Variants in NRXN1 observed in about 807,000 individuals in gnomAD.
NRXN1 encodes neurexin-1.
A neutral mutation model predicts 150.9 loss-of-function variants in NRXN1; 39 were observed. The ratio of observed to expected loss-of-function variants is 0.26; its 90% confidence interval spans 0.20 to 0.34. NRXN1 has a LOEUF of 0.34. Ranked by LOEUF, NRXN1 falls within the 10% of genes least tolerant of loss-of-function variation. The pLI is 1.00. For missense variants in NRXN1, 1,815 were observed against 1,949.9 expected (o/e 0.93, Z 1.30); for synonymous variants, 924 against 757.0 (o/e 1.22, Z -3.62).
At chr2:50,050,811 T>C (rs1452773) in intron 21 of NRXN1, among the ~76,000 whole-genome samples, 3 of 151,884 alleles carry the variant, frequency 2.0e-5, no homozygotes, top group Non-Finnish European at 4.4e-5. Flanking sequence ...CATACATGTG[T>C]TGTTATCTGT....
chr2:49,944,696 T>C (rs1272421497), intron 21 of NRXN1, among the ~76,000 whole-genome samples: 1 of 152,188 alleles, frequency 6.6e-6, no homozygotes, highest in Non-Finnish European at 1.5e-5. Context: ...AAGGCTTCCA[T>C]CAGAGTTGGC....
At chr2:49,939,369 G>T (rs921380057) in intron 22 of NRXN1, among the ~76,000 whole-genome samples, 1 of 152,204 alleles carries the variant, frequency 6.6e-6, no homozygotes, top group Non-Finnish European at 1.5e-5. Context: ...GTTACCAATA[G>T]CTGGTTCAGG....
intron 19 of NRXN1, among the ~76,000 whole-genome samples, chr2:50,087,867 A>T (rs1483274056): frequency 6.6e-6 from 1 of 152,168 alleles, no homozygotes; most frequent in Non-Finnish European, 1.5e-5. Flanking sequence ...GCTTTTCATT[A>T]AAGGTATAGT....
chr2:50,499,517 A>T (rs184656852), intron 13 of NRXN1, among the ~76,000 whole-genome samples: 305 of 152,246 alleles, frequency 2.0e-3, no homozygotes, highest in Middle Eastern at 0.01. Context: ...TTCTTGTTCA[A>T]TGACCTCAAT....
intron 18 of NRXN1, among the ~76,000 whole-genome samples, chr2:50,232,383 TTTTC>T (rs202031647): frequency 0.066 from 7,380 of 111,138 alleles, 249 homozygotes; most frequent in Middle Eastern, 0.13. Context: ...CTTTCTTTTC[TTTTC>T]TTTTTTTTTT....
chr2:50,987,351 T>C (rs941069259), intron 2 of NRXN1, among the ~76,000 whole-genome samples: 1 of 151,942 alleles, frequency 6.6e-6, no homozygotes, highest in African/African-American at 2.4e-5. Flanking sequence ...CCTCATTTTC[T>C]TCTTCTAGAT....
chr2:50,038,248 C>A (rs1486863921), intron 21 of NRXN1, among the ~76,000 whole-genome samples: 1 of 152,174 alleles, frequency 6.6e-6, no homozygotes, highest in Non-Finnish European at 1.5e-5. Context: ...CAGTATCTGG[C>A]ATTCCTGCCC....
At chr2:50,292,455 A>T (rs543971626) in intron 17 of NRXN1, among the ~76,000 whole-genome samples, 6 of 152,304 alleles carry the variant, frequency 3.9e-5, no homozygotes, top group African/African-American at 1.4e-4. Flanking sequence ...TCTGAAATGC[A>T]TTACTATCAA....
intron 17 of NRXN1, among the ~76,000 whole-genome samples, chr2:50,440,663 T>C (rs933639148): frequency 1.3e-5 from 2 of 152,138 alleles, no homozygotes; most frequent in African/African-American, 2.4e-5. Flanking sequence ...CCTCAGTTTT[T>C]TTGTTGCATT....
intron 17 of NRXN1, among the ~76,000 whole-genome samples, chr2:50,399,324 T>A (rs2082245529): frequency 1.3e-5 from 2 of 152,136 alleles, no homozygotes; most frequent in Admixed American, 1.3e-4. Flanking sequence ...TACTTTTCCA[T>A]TCTTGATCAA....
chr2:50,513,230 ATAAGT>A (rs758877407), intron 12 of NRXN1, among the ~76,000 whole-genome samples: 4 of 152,210 alleles, frequency 2.6e-5, no homozygotes, highest in Admixed American at 6.5e-5. Flanking sequence ...TTTATGGAAA[ATAAGT>A]TAAGTAACAG....
chr2:50,125,018 G>C (rs1574044685), intron 18 of NRXN1, among the ~76,000 whole-genome samples: 2 of 152,176 alleles, frequency 1.3e-5, no homozygotes, highest in South Asian at 4.1e-4. Context: ...ATGTATGTAA[G>C]TAATATGTAT....
chr2:50,003,246 C>T (rs1165954066), intron 21 of NRXN1, among the ~76,000 whole-genome samples: 1 of 151,996 alleles, frequency 6.6e-6, no homozygotes, highest in African/African-American at 2.4e-5. Flanking sequence ...AGATCAGAGG[C>T]TTGGGGAAGA....
At chr2:50,166,278 TA>T (rs2059676200) in intron 18 of NRXN1, among the ~76,000 whole-genome samples, 1 of 121,490 alleles carries the variant, frequency 8.2e-6, no homozygotes, top group African/African-American at 3.3e-5. Context: ...GTACTCAACG[TA>T]TGTGTGTGTG....
intron 17 of NRXN1, among the ~76,000 whole-genome samples, chr2:50,320,285 TATATATATATA>T (rs1558518830): frequency 0.021 from 1,227 of 57,672 alleles, 52 homozygotes; most frequent in African/African-American, 0.033. Context: ...ACCTCAATCA[TATATATATATA>T]TATATATATA....
chr2:50,495,592 T>C (rs536443976), intron 15 of NRXN1, among the ~76,000 whole-genome samples: 179 of 152,256 alleles, frequency 1.2e-3, no homozygotes, highest in African/African-American at 4.2e-3. Context: ...AATTGAAAAC[T>C]GTTGGGACTT....
At chr2:50,977,815 T>G (rs949564355) in intron 2 of NRXN1, among the ~76,000 whole-genome samples, 27 of 151,948 alleles carry the variant, frequency 1.8e-4, no homozygotes, top group African/African-American at 6.5e-4. Context: ...ATATCATAAA[T>G]GAGCATGCAA....
At chr2:50,602,313 C>G (rs1397679421) in intron 8 of NRXN1, among the ~76,000 whole-genome samples, 1 of 152,018 alleles carries the variant, frequency 6.6e-6, no homozygotes, top group East Asian at 1.9e-4. Context: ...GGGTAGAGAT[C>G]TCTTCCTGAT....
chr2:50,355,329 G>C (rs932052645), intron 17 of NRXN1, among the ~76,000 whole-genome samples: 1 of 150,402 alleles, frequency 6.6e-6, no homozygotes, highest in Non-Finnish European at 1.5e-5. Context: ...TTTTGTCAGA[G>C]ATATTCTGAT....
Sources: allele counts gnomAD v4.1 joint callset (sites outside exome capture counted in the v4.1 genomes callset), GRCh38; gene constraint gnomAD v4.1.1; transcripts MANE v1.5; gene names NCBI Gene and HGNC (gene_info 2026-07-23, HGNC 2026-07-21).